The following NRG1 variants were observed in gnomAD, a reference collection of about 807,000 sequenced individuals.
NRG1 encodes pro-neuregulin-1, membrane-bound isoform.
Under a neutral mutation model 63.8 loss-of-function variants are expected in NRG1, and 18 were observed. The ratio of observed to expected loss-of-function variants is 0.28; its 90% CI spans 0.19 to 0.42. NRG1 has a LOEUF of 0.42. Ranked by LOEUF, NRG1 falls within the 10% of genes least tolerant of loss-of-function variation. The pLI is 1.00. For missense variants in NRG1, 762 were observed against 814.7 expected (o/e 0.94, Z 0.79); for synonymous variants, 302 against 301.3 (o/e 1.00, Z -0.02).
At chr8:31,747,624 G>A (rs1413868066) in intron 1 of NRG1, among the ~76,000 whole-genome samples, 1 of 151,922 alleles carries the variant, frequency 6.6e-6, no homozygotes, top group African/African-American at 2.4e-5. Context: ...AGATGCCTGT[G>A]TGGTCACAAG....
chr8:31,761,674 C>A (rs556582559), intron 1 of NRG1, among the ~76,000 whole-genome samples: 1 of 151,954 alleles, frequency 6.6e-6, no homozygotes, highest in Admixed American at 6.6e-5. Context: ...GACCATCTTG[C>A]GTGGGAGTGA....
intron 1 of NRG1, among the ~76,000 whole-genome samples, chr8:31,834,202 C>G (rs2129606610): frequency 6.6e-6 from 1 of 152,214 alleles, no homozygotes; most frequent in Admixed American, 6.5e-5. Context: ...ATCAGCCAAC[C>G]ACATGATGCT....
At chr8:31,765,078 T>A (rs1385766748) in intron 1 of NRG1, among the ~76,000 whole-genome samples, 23 of 149,278 alleles carry the variant, frequency 1.5e-4, no homozygotes. Flanking sequence ...ACCTAAATAT[T>A]TTTATTTTTT....
At chr8:32,641,890 A>T (rs1455015419) in intron 5 of NRG1, among the ~76,000 whole-genome samples, 1 of 152,224 alleles carries the variant, frequency 6.6e-6, no homozygotes, top group East Asian at 1.9e-4. Context: ...ATCATAAATA[A>T]TGTACAAGAA....
At chr8:31,853,532 A>G (rs2129609410) in intron 1 of NRG1, among the ~76,000 whole-genome samples, 1 of 150,986 alleles carries the variant, frequency 6.6e-6, no homozygotes, top group Non-Finnish European at 1.5e-5. Context: ...GGGGTTTTCT[A>G]GATATACAAT....
At chr8:31,880,124 C>A (rs754478933) in intron 1 of NRG1, among the ~76,000 whole-genome samples, 1 of 152,068 alleles carries the variant, frequency 6.6e-6, no homozygotes, top group African/African-American at 2.4e-5. Flanking sequence ...AGCAGTATGG[C>A]GATTCCTCAA....
rs35803661 is a variant in NRG1, at chr8:31,682,921, C to T, written c.37+43490C>T. Among the ~76,000 whole-genome samples, 1,520 of 152,202 alleles carry T rather than the reference C, an allele frequency of 1.0e-2. 9 individuals are homozygous for T. Among genetic ancestry groups the T allele is most frequent in the Non-Finnish European group, 0.017 (1,153 of 68,004 alleles). ...AATGCTTATCTCAGGGGAACCCCCA[C>T]GCTTTTGTGAGTTTTACATGCAGGA... is the stretch of plus-strand genomic sequence containing the variant. On this transcript the variant is annotated intron_variant, in intron 1 of 10. Coordinates refer to the NRG1 transcript ENST00000519301.
intron 1 of NRG1, among the ~76,000 whole-genome samples, chr8:32,048,501 G>A (rs925664120): frequency 5.7e-5 from 8 of 140,054 alleles, no homozygotes; most frequent in Non-Finnish European, 1.1e-4. Flanking sequence ...GGGATTGCTG[G>A]ATCATATGGT....
chr8:32,559,841 C>CAAAAAAAA (rs575336896), intron 1 of NRG1, among the ~76,000 whole-genome samples: 13 of 127,374 alleles, frequency 1.0e-4, no homozygotes, highest in South Asian at 2.5e-4. Context: ...CAAAAAAATA[C>CAAAAAAAA]AAAAAAAAAA....
At chr8:32,390,850 AC>A (rs1356733737) in intron 1 of NRG1, among the ~76,000 whole-genome samples, 4 of 152,086 alleles carry the variant, frequency 2.6e-5, no homozygotes, top group Non-Finnish European at 5.9e-5. Flanking sequence ...CTGACTAAGC[AC>A]CAAGTAAATA....
chr8:32,406,280 A>AC (rs1389482823), intron 1 of NRG1, among the ~76,000 whole-genome samples: 1 of 152,176 alleles, frequency 6.6e-6, no homozygotes, highest in African/African-American at 2.4e-5. Flanking sequence ...CGGGAACCAG[A>AC]CTGTGTGGGT....
intron 3 of NRG1, chr8:32,614,237 A>T (rs1846895401): frequency 3.3e-6 from 1 of 304,422 alleles, no homozygotes; most frequent in Admixed American, 4.9e-5. Context: ...CCTCTTTGAC[A>T]TAAATTCTTC....
chr8:32,631,128 T>C (rs1850222928), intron 5 of NRG1, among the ~76,000 whole-genome samples: 1 of 152,114 alleles, frequency 6.6e-6, no homozygotes, highest in Non-Finnish European at 1.5e-5. Flanking sequence ...ATACCAGTTG[T>C]AATTTCTCAT....
chr8:32,638,143 G>C (rs757758388), intron 5 of NRG1, among the ~76,000 whole-genome samples: 1 of 152,164 alleles, frequency 6.6e-6, no homozygotes, highest in Non-Finnish European at 1.5e-5. Context: ...ATTAATTTCT[G>C]TGTGACTCTA....
chr8:31,998,642 G>A (rs1812423796), intron 1 of NRG1, among the ~76,000 whole-genome samples: 1 of 151,934 alleles, frequency 6.6e-6, no homozygotes, highest in Non-Finnish European at 1.5e-5. Flanking sequence ...TGAGAATAAA[G>A]TGCATCCTTT....
intron 1 of NRG1, among the ~76,000 whole-genome samples, chr8:32,488,285 G>A (rs1317453714): frequency 6.6e-6 from 1 of 152,134 alleles, no homozygotes; most frequent in East Asian, 1.9e-4. Context: ...AGACTATTAA[G>A]ATTCAAGCTT....
At chr8:32,566,342 CA>C (rs35064563) in intron 1 of NRG1, among the ~76,000 whole-genome samples, 15,368 of 102,566 alleles carry the variant, frequency 0.15, 2,058 homozygotes, top group African/African-American at 0.4. Flanking sequence ...CAGAACATCT[CA>C]AAAAAAAAAA....
intron 1 of NRG1, among the ~76,000 whole-genome samples, chr8:32,577,855 A>G (rs1042545857): frequency 5.9e-5 from 9 of 152,000 alleles, no homozygotes; most frequent in African/African-American, 2.2e-4. Context: ...TGTCTTTGTA[A>G]CTTCATCTGT....
intron 1 of NRG1, among the ~76,000 whole-genome samples, chr8:31,914,772 G>A (rs1563559856): frequency 1.3e-5 from 2 of 151,748 alleles, no homozygotes; most frequent in South Asian, 2.1e-4. Context: ...CTTGGTGTAT[G>A]TTACCTTTTT....
Sources: gnomAD v4.1 joint callset for allele counts (sites outside exome capture counted in the v4.1 genomes callset) on GRCh38, gnomAD v4.1.1 for gene constraint, MANE v1.5 for transcripts, NCBI Gene and HGNC (gene_info 2026-07-23, HGNC 2026-07-21) for gene names.